Variants in NFIB observed in about 807,000 individuals in gnomAD.
The protein encoded by NFIB is nuclear factor 1 B-type.
NFIB carries 11 observed loss-of-function variants against 61.5 expected under a neutral mutation model. The ratio of observed to expected loss-of-function variants is 0.18; its 90% CI spans 0.11 to 0.30. NFIB has a LOEUF of 0.30. Among genes scored for constraint, NFIB ranks in the 10% least tolerant of loss-of-function variants. NFIB has a pLI of 1.00. For missense variants in NFIB, 471 were observed against 608.9 expected, an observed-to-expected ratio of 0.77 and a Z score of 2.38; for synonymous variants, 260 against 216.5, an observed-to-expected ratio of 1.20 and a Z score of -1.76.
At position 14,175,163 on chromosome 9, in the gene NFIB, ATTTC is replaced by A. The variant is rs2046029394; in HGVS notation, c.616+4560_616+4563del. On this transcript the variant is annotated intron_variant, in intron 3 of 10. Coordinates refer to ENST00000380953, the MANE Select transcript of NFIB (RefSeq NM_001190737.2). The stretch of plus-strand genomic sequence containing the variant: ...TCTCAAAATTTTTATGACTTAAAGA[ATTTC>A]TTTTTTTTTTTTTTTTTTTTGAGAT... Among the ~76,000 whole-genome samples the A allele has an allele frequency of 2.9e-5, 3 of 102,106 alleles. 1 individual carries two copies. Among genetic ancestry groups the A allele is most frequent in the Non-Finnish European group, 3.8e-5 (2 of 53,090 alleles). 67.0% of individuals were successfully genotyped at this position (102,106 alleles called of 152,430 possible).
chr9:14,378,611 TC>T (rs1315352199), intron 1 of NFIB, among the ~76,000 whole-genome samples: 5 of 152,222 alleles, frequency 3.3e-5, no homozygotes, highest in Non-Finnish European at 7.3e-5. Flanking sequence ...CGCATGGGCC[TC>T]CCAAAGTGTT....
the NFIB span, among the ~76,000 whole-genome samples, chr9:14,451,321 A>C: frequency 6.6e-6 from 1 of 152,226 alleles, no homozygotes. Flanking sequence ...GATATTTCAC[A>C]GTATTTCTTT....
At chr9:14,438,211 A>G in the NFIB span, among the ~76,000 whole-genome samples, 1 of 152,184 alleles carries the variant, frequency 6.6e-6, no homozygotes, top group Non-Finnish European at 1.5e-5. Flanking sequence ...ATGGAAATAA[A>G]TCATGTTTTT....
At chr9:14,467,865 G>C in the NFIB span, among the ~76,000 whole-genome samples, 1 of 152,124 alleles carries the variant, frequency 6.6e-6, no homozygotes, top group Non-Finnish European at 1.5e-5. Context: ...CCATTTTACA[G>C]ATGAAAAAAC....
chr9:14,452,770 A>T, the NFIB span, among the ~76,000 whole-genome samples: 97 of 152,350 alleles, frequency 6.4e-4, no homozygotes, highest in Middle Eastern at 3.4e-3. Flanking sequence ...AATGATTTTC[A>T]CATTCCCTAT....
In NFIB at chr9:14,374,870, A is replaced by G. The variant is rs150311921; in HGVS notation, c.108+23654T>C. Among the ~76,000 whole-genome samples, 1,170 of 152,322 alleles carry G rather than the reference A, an allele frequency of 7.7e-3. 51 individuals carry two copies. In the East Asian group the frequency reaches 0.09, roughly 12 times the overall value. ...GGTTGCAGTGAGACAAGATTGCGCCACTGCACTCCAGCCTGGGCAACAGAG... is the reference window on the plus strand; with the variant it reads ...GGTTGCAGTGAGACAAGATTGCGCCGCTGCACTCCAGCCTGGGCAACAGAG... On this transcript the variant is annotated intron_variant, in intron 1 of 8. Coordinates refer to the NFIB transcript ENST00000380934.
intron 2 of NFIB, among the ~76,000 whole-genome samples, chr9:14,263,077 T>C (rs2132254510): frequency 6.6e-6 from 1 of 152,318 alleles, no homozygotes; most frequent in South Asian, 2.1e-4. Context: ...TATCCTGCCA[T>C]ATTGTTTAAA....
chr9:14,528,979 C>T, the NFIB span, among the ~76,000 whole-genome samples: 2 of 152,094 alleles, frequency 1.3e-5, no homozygotes, highest in Non-Finnish European at 2.9e-5. Flanking sequence ...AAACTGCTTA[C>T]GCGATTTTTC....
the NFIB span, among the ~76,000 whole-genome samples, chr9:14,446,922 T>C: frequency 2.0e-5 from 3 of 152,172 alleles, no homozygotes; most frequent in Non-Finnish European, 2.9e-5. Context: ...ATCTCAGATA[T>C]CACATAATTC....
At chr9:14,102,114 A>C (rs550236656) in intron 10 of NFIB, among the ~76,000 whole-genome samples, 1 of 152,304 alleles carries the variant, frequency 6.6e-6, no homozygotes, top group African/African-American at 2.4e-5. Flanking sequence ...CTGTGATTTC[A>C]CTTTTCAGGT....
rs2038783477 is a variant in NFIB, at chr9:14,120,551, T to C, written c.1134A>G (p.Pro378=). Residue 378 remains proline, a synonymous_variant, in exon 8 of 11, where the codon CCA becomes CCG. Transcript: ENST00000380953. The surrounding 1 kb of genome is among the most constrained non-coding windows in gnomAD (Gnocchi z 4.4). ...FPTQAILPPA[P]SSYFSHPTIR... is the part of the protein sequence containing the mutation. ...TTGTTGGATGAGAAAAGTAGCTCGA[T>C]GGGGCTGGAGGAAGGATAGCTTGTG... is the stretch of plus-strand genomic sequence containing the variant. The C allele has an allele frequency of 1.2e-6, 2 of 1,613,950 alleles. No homozygotes were observed. The highest frequency in any genetic ancestry group is 1.1e-5 in the South Asian group (1 of 91,046).
chr9:14,342,423 AGAAG>A (rs563853168), intron 1 of NFIB, among the ~76,000 whole-genome samples: 53 of 151,864 alleles, frequency 3.5e-4, no homozygotes, highest in Admixed American at 1.0e-3. Flanking sequence ...CAGTGAAATG[AGAAG>A]GAAGGAAGGA....
chr9:14,525,614 A>T, the NFIB span, among the ~76,000 whole-genome samples: 2 of 152,212 alleles, frequency 1.3e-5, no homozygotes, highest in Non-Finnish European at 2.9e-5. Flanking sequence ...TTTAATGATG[A>T]AAATTAAGCT....
intron 2 of NFIB, among the ~76,000 whole-genome samples, chr9:14,269,053 C>T (rs2132307780): frequency 6.6e-6 from 1 of 152,064 alleles, no homozygotes; most frequent in African/African-American, 2.4e-5. Context: ...TGTTCTAGTA[C>T]ATATGAGTAA....
chr9:14,445,943 A>T, the NFIB span, among the ~76,000 whole-genome samples: 1 of 152,200 alleles, frequency 6.6e-6, no homozygotes. Context: ...TTCTGGTAAC[A>T]CACTGGCTCA....
intron 6 of NFIB, among the ~76,000 whole-genome samples, chr9:14,144,875 A>C (rs2131091029): frequency 6.6e-6 from 1 of 152,258 alleles, no homozygotes. Flanking sequence ...TTGAATTCGC[A>C]ACTTCAAGTA....
At chr9:14,315,363 G>A (rs1290857180), upstream of NFIB, among the ~76,000 whole-genome samples, 1 of 150,766 alleles carries the variant, frequency 6.6e-6, no homozygotes, top group Non-Finnish European at 1.5e-5. Context: ...AGCCGCCGCC[G>A]CCGCCTCTTG....
At chr9:14,352,433 GAGGCCAC>G (rs2061124512) in intron 1 of NFIB, among the ~76,000 whole-genome samples, 1 of 151,982 alleles carries the variant, frequency 6.6e-6, no homozygotes, top group African/African-American at 2.4e-5. Context: ...AGAAGTGAGC[GAGGCCAC>G]AGGTAAAAAG....
chr9:14,505,028 T>A, the NFIB span, among the ~76,000 whole-genome samples: 2 of 152,098 alleles, frequency 1.3e-5, no homozygotes, highest in African/African-American at 4.8e-5. Flanking sequence ...TTTTCGAGGG[T>A]TTTAATCATA....
Sources: gnomAD v4.1 joint callset for allele counts (sites outside exome capture counted in the v4.1 genomes callset) on GRCh38, gnomAD v4.1.1 for gene constraint, Gnocchi (gnomAD v3.1) non-coding constraint, MANE v1.5 for transcripts, NCBI Gene and HGNC (gene_info 2026-07-23, HGNC 2026-07-21) for gene names.